CENPU: variants seen among roughly 807,000 people sequenced by gnomAD.
The protein encoded by CENPU is centromere protein U.
In CENPU, 46 loss-of-function variants were observed where a neutral mutation model predicts 56.7. The observed-to-expected ratio is 0.81, with a 90% CI of 0.64 to 1.04. The LOEUF is 1.04. CENPU is among the 50% of genes least tolerant of loss of function. The pLI is 0.00. For synonymous variants in CENPU, 166 were observed against 163.0 expected (o/e 1.02, Z -0.14); for missense variants, 510 against 490.1 (o/e 1.04, Z -0.38).
intron 2 of CENPU, 89 bp downstream of exon 2, chr4:184,730,831 C>T: frequency 1.1e-6 from 1 of 900,182 alleles, no homozygotes; most frequent in Non-Finnish European, 1.7e-6. Context: ...TTGAACTTGC[C>T]AAGTGAAGTC....
intron 1 of CENPU, among the ~76,000 whole-genome samples, chr4:184,731,632 G>A (rs1007928625): frequency 7.9e-5 from 12 of 152,212 alleles, no homozygotes; most frequent in African/African-American, 2.9e-4. Context: ...CAGTGAATAT[G>A]TACAGACTAT....
At chr4:184,705,781 CAAAG>C (rs370567789) in intron 8 of CENPU, among the ~76,000 whole-genome samples, 2 of 152,218 alleles carry the variant, frequency 1.3e-5, no homozygotes, top group African/African-American at 4.8e-5. Flanking sequence ...ACAGCCTTAA[CAAAG>C]AAGGAAATTC....
chr4:184,703,571 G>A (rs1433790324), intron 8 of CENPU, among the ~76,000 whole-genome samples: 1 of 152,162 alleles, frequency 6.6e-6, no homozygotes, highest in African/African-American at 2.4e-5. Context: ...TATAGTCACT[G>A]TGGAAAACAG....
At chr4:184,728,816 G>T in intron 3 of CENPU, 102 bp downstream of exon 3, 1 of 812,168 alleles carries the variant, frequency 1.2e-6, no homozygotes, top group Non-Finnish European at 2.0e-6. Flanking sequence ...TTACATGCAG[G>T]CAACTAATTT....
intron 8 of CENPU, among the ~76,000 whole-genome samples, chr4:184,709,794 T>TAAAAAAAA (rs546422536): frequency 7.3e-6 from 1 of 137,086 alleles, no homozygotes. Context: ...CCTCAAAATT[T>TAAAAAAAA]AAAAAAAAAA....
At position 184,716,660 on chromosome 4, in the gene CENPU, T is replaced by C. The variant is rs749867289; in HGVS notation, c.382-27A>G. 28 of 1,520,786 alleles carry C rather than the reference T, an allele frequency of 1.8e-5. No individual in the cohort carries two copies. In the East Asian group the frequency reaches 6.3e-4, roughly 34 times the overall value. The allele number at this position is 1,520,786 out of a possible 1,614,324, so 94.2% of individuals were successfully genotyped here. A position where few individuals can be genotyped will look rare whatever the true frequency, so the allele number is the denominator to read the frequency against. On this transcript the variant is annotated intron_variant, in intron 5 of 12. Transcript: ENST00000281453. ...TGTGTGAAAGAAAAAACAGCAGTACTTATGTAGAAAATAGAAATGCTTATA... is the reference window on the plus strand; with the variant it reads ...TGTGTGAAAGAAAAAACAGCAGTACCTATGTAGAAAATAGAAATGCTTATA...
intron 11 of CENPU, among the ~76,000 whole-genome samples, chr4:184,700,619 G>A (rs748593263): frequency 4.6e-5 from 7 of 152,192 alleles, no homozygotes; most frequent in African/African-American, 1.2e-4. Context: ...TGAGAAATCT[G>A]TGGAGATAGA....
At chr4:184,704,763 A>G (rs1277027968) in intron 8 of CENPU, among the ~76,000 whole-genome samples, 1 of 152,154 alleles carries the variant, frequency 6.6e-6, no homozygotes, top group Non-Finnish European at 1.5e-5. Context: ...TAGAATGGTG[A>G]TTGCTGGGGG....
rs149192983 is a variant in CENPU, at chr4:184,717,010, G to A, written c.381+126C>T. 5.3e-4 allele frequency: 350 copies of A among 659,754 alleles called. 1 individual carries two copies. The African/African-American group carries it at 5.8e-3, about 11-fold the overall frequency. 40.9% of individuals were successfully genotyped at this position (659,754 alleles called of 1,614,324 possible). On this transcript the variant is annotated intron_variant, in intron 5 of 12. Transcript: ENST00000281453. ...AGAACTTTATGAAAAATGGTGCTACGGAATGTTTTCTCTATTTGCATCCAA... is the reference window on the plus strand; with the variant it reads ...AGAACTTTATGAAAAATGGTGCTACAGAATGTTTTCTCTATTTGCATCCAA...
At chr4:184,719,411 C>A (rs924258600) in intron 4 of CENPU, among the ~76,000 whole-genome samples, 1 of 152,218 alleles carries the variant, frequency 6.6e-6, no homozygotes, top group Admixed American at 6.5e-5. Flanking sequence ...GAAAGCAGAA[C>A]CAGGCTGAAC....
At chr4:184,709,690 A>T (rs555764953) in intron 8 of CENPU, among the ~76,000 whole-genome samples, 2 of 152,114 alleles carry the variant, frequency 1.3e-5, no homozygotes, top group African/African-American at 4.8e-5. Flanking sequence ...AGAAGTACCA[A>T]GAAAAACTGA....
chr4:184,706,856 C>T (rs1362643913), intron 8 of CENPU, among the ~76,000 whole-genome samples: 1 of 152,176 alleles, frequency 6.6e-6, no homozygotes, highest in Admixed American at 6.5e-5. Context: ...ATATCAAGAA[C>T]TTACTACCCA....
chr4:184,717,223 C>T, intron 4 of CENPU, 27 bp from the exon 5 acceptor site: 1 of 1,553,014 alleles, frequency 6.4e-7, no homozygotes, highest in South Asian at 1.1e-5. Flanking sequence ...CCATCAATAT[C>T]TTGTACACAT....
At chr4:184,714,781 A>T (rs546193336) in intron 6 of CENPU, among the ~76,000 whole-genome samples, 34 of 152,344 alleles carry the variant, frequency 2.2e-4, no homozygotes, top group African/African-American at 7.9e-4. Context: ...AGTATGGTAG[A>T]TGTAAACCTC....
Position 184,695,368 on chromosome 4 carries a change from TAAATA to T in CENPU, c.1172_1176del (p.Leu391Ter), listed in dbSNP as rs956012347. The T allele has an allele frequency of 7.4e-6, 12 of 1,613,206 alleles. No individual in the cohort carries two copies. In the Admixed American group the frequency reaches 1.5e-4, roughly 20 times the overall value. On this transcript the variant is annotated frameshift_variant, in exon 13 of 13. Coordinates refer to ENST00000281453, the MANE Select transcript of CENPU (RefSeq NM_024629.4). LOFTEE classifies it high-confidence loss of function. ...TCGGCTCCCAGAAGTGTTCTTGCTTTAAATAACAGAGCTGGAAGGCTGGATGAATC... is the reference window on the plus strand; with the variant it reads ...TCGGCTCCCAGAAGTGTTCTTGCTTTACAGAGCTGGAAGGCTGGATGAATC...
intron 8 of CENPU, among the ~76,000 whole-genome samples, chr4:184,709,584 G>C (rs1485111956): frequency 6.6e-6 from 1 of 152,044 alleles, no homozygotes; most frequent in Non-Finnish European, 1.5e-5. Flanking sequence ...TTTAGGAATA[G>C]AGTGGGTGAC....
At chr4:184,728,724 T>G (rs6843185) in intron 3 of CENPU, among the ~76,000 whole-genome samples, 194 bp downstream of exon 3, 27,059 of 152,120 alleles carry the variant, frequency 0.18, 2,688 homozygotes, top group African/African-American at 0.26. Flanking sequence ...AGTGCCGCTT[T>G]GATAATGTTC....
chr4:184,719,807 C>A (rs899728723), intron 4 of CENPU, among the ~76,000 whole-genome samples: 1 of 152,152 alleles, frequency 6.6e-6, no homozygotes, highest in African/African-American at 2.4e-5. Context: ...ACGAGCTCAG[C>A]CACAGTAGCA....
In CENPU at chr4:184,697,215, T is replaced by TA. The variant is rs559056359; in HGVS notation, c.1143+431dup. Among the ~76,000 whole-genome samples the TA allele has an allele frequency of 5.3e-5, 8 of 152,238 alleles. No individual in the cohort carries two copies. In the South Asian group the frequency reaches 1.7e-3, roughly 32 times the overall value. On this transcript the variant is annotated intron_variant, in intron 12 of 12. Coordinates refer to ENST00000281453, the MANE Select transcript of CENPU (RefSeq NM_024629.4). ...AACTTCTAAAATCCTACCTACCACT[T>TA]ATACGGGAAAATAGCTTGTTTTTCA...
Sources: gnomAD v4.1 joint callset for allele counts (sites outside exome capture counted in the v4.1 genomes callset) on GRCh38, gnomAD v4.1.1 for gene constraint, MANE v1.5 for transcripts, NCBI Gene and HGNC (gene_info 2026-07-23, HGNC 2026-07-21) for gene names.